RPSA2: variants seen among roughly 807,000 people sequenced by gnomAD.
RPSA2 encodes the protein ribosomal protein SA 2.
At chr19:23,828,936 GACACACACAC>G in the RPSA2 span, among the ~76,000 whole-genome samples, 3 of 148,278 alleles carry the variant, frequency 2.0e-5, no homozygotes, top group Non-Finnish European at 4.5e-5. Context: ...CCTAATGTGA[GACACACACAC>G]ACACACACAC....
chr19:23,813,610 T>C, the RPSA2 span, among the ~76,000 whole-genome samples: 4 of 152,048 alleles, frequency 2.6e-5, no homozygotes, highest in East Asian at 7.7e-4. Flanking sequence ...ATTTTAGATA[T>C]AGATTAATAA....
At chr19:23,790,845 G>A in the RPSA2 span, 1 of 533,818 alleles carries the variant, frequency 1.9e-6, no homozygotes, top group Non-Finnish European at 3.4e-6. Flanking sequence ...CAGCTGTGGT[G>A]GGACTCAGGC....
chr19:23,859,858 T>C, the RPSA2 span, among the ~76,000 whole-genome samples: 148,962 of 152,292 alleles, frequency 0.98, 72,946 homozygotes, highest in Middle Eastern at 1. Context: ...GTTTAAATAC[T>C]AATTAGTAAA....
At chr19:23,860,427 GA>G in the RPSA2 span, among the ~76,000 whole-genome samples, 1 of 152,172 alleles carries the variant, frequency 6.6e-6, no homozygotes, top group African/African-American at 2.4e-5. Flanking sequence ...CTGCACATGT[GA>G]GAGTATCACC....
chr19:23,837,970 CA>C, the RPSA2 span, among the ~76,000 whole-genome samples: 1 of 152,070 alleles, frequency 6.6e-6, no homozygotes, highest in Non-Finnish European at 1.5e-5. Context: ...CTATGATTTC[CA>C]GGACTATGTT....
chr19:23,795,904 A>G, the RPSA2 span, among the ~76,000 whole-genome samples: 1,102 of 152,238 alleles, frequency 7.2e-3, 17 homozygotes, highest in African/African-American at 0.025. Flanking sequence ...CCTGTAAAGT[A>G]ATTGGGATTA....
At chr19:23,837,354 C>G in the RPSA2 span, among the ~76,000 whole-genome samples, 3 of 112,872 alleles carry the variant, frequency 2.7e-5, no homozygotes, top group African/African-American at 1.0e-4. Context: ...ATTTTTATAC[C>G]AGGACCATGC....
the RPSA2 span, among the ~76,000 whole-genome samples, chr19:23,861,484 C>T: frequency 1.3e-5 from 2 of 152,148 alleles, no homozygotes; most frequent in African/African-American, 4.8e-5. Context: ...AGACCACCTC[C>T]CTTCCACATA....
chr19:23,799,225 AGAGT>A, the RPSA2 span: 2 of 152,186 alleles, frequency 1.3e-5, no homozygotes, highest in Non-Finnish European at 2.9e-5. Flanking sequence ...AATCTTTCTC[AGAGT>A]GAGAGCTGTT....
At chr19:23,803,889 C>CAAAAAAAA in the RPSA2 span, among the ~76,000 whole-genome samples, 2 of 302 alleles carry the variant, frequency 6.6e-3, 1 homozygote, top group African/African-American at 6.8e-3. Flanking sequence ...GACTCCGTCT[C>CAAAAAAAA]AAAAAAAAAA....
chr19:23,781,794 G>C, the RPSA2 span, among the ~76,000 whole-genome samples: 1 of 152,180 alleles, frequency 6.6e-6, no homozygotes, highest in African/African-American at 2.4e-5. Flanking sequence ...GTCATCACAA[G>C]ACCTTTCTAC....
chr19:23,824,584 T>C, the RPSA2 span, among the ~76,000 whole-genome samples: 586 of 1,436 alleles, frequency 0.41, 100 homozygotes, highest in African/African-American at 0.44. Context: ...GCATTTCTTT[T>C]TTTTTTTTTT....
chr19:23,870,989 T>C, the RPSA2 span, among the ~76,000 whole-genome samples: 2 of 152,304 alleles, frequency 1.3e-5, no homozygotes, highest in Non-Finnish European at 1.5e-5. Context: ...CTGGGACATC[T>C]GGAGCCTACT....
At chr19:23,803,549 G>C in the RPSA2 span, among the ~76,000 whole-genome samples, 1 of 151,922 alleles carries the variant, frequency 6.6e-6, no homozygotes, top group African/African-American at 2.4e-5. Context: ...AACTCTATCT[G>C]TATCCCTCTC....
the RPSA2 span, among the ~76,000 whole-genome samples, chr19:23,814,307 A>T: frequency 2.0e-5 from 3 of 151,840 alleles, no homozygotes; most frequent in South Asian, 6.2e-4. Context: ...TTTTATCAGT[A>T]TTGATATTCA....
the RPSA2 span, among the ~76,000 whole-genome samples, chr19:23,828,323 C>CTT: frequency 8.0e-6 from 1 of 124,306 alleles, no homozygotes; most frequent in Non-Finnish European, 1.7e-5. Context: ...TTCTTTCTTT[C>CTT]TTTTTTTTTT....
chr19:23,761,864 A>AG, the RPSA2 span, among the ~76,000 whole-genome samples: 2 of 139,242 alleles, frequency 1.4e-5, no homozygotes, highest in African/African-American at 5.3e-5. Flanking sequence ...GGAATGACTG[A>AG]GGAGCCTTTC....
the RPSA2 span, chr19:23,831,708 T>G: frequency 3.9e-6 from 1 of 253,370 alleles, no homozygotes; most frequent in South Asian, 6.4e-5. Flanking sequence ...AATTTACTGT[T>G]GAGAAATGGC....
At chr19:23,762,382 A>C in the RPSA2 span, among the ~76,000 whole-genome samples, 2 of 151,834 alleles carry the variant, frequency 1.3e-5, no homozygotes, top group African/African-American at 4.8e-5. Flanking sequence ...ATGATTAAAA[A>C]ATGTCCAAAT....
Sources: gnomAD v4.1 joint callset for allele counts (sites outside exome capture counted in the v4.1 genomes callset) on GRCh38, gnomAD v4.1.1 for gene constraint, MANE v1.5 for transcripts, NCBI Gene and HGNC (gene_info 2026-07-23, HGNC 2026-07-21) for gene names.